The following STIM2 variants were observed in gnomAD, a reference collection of about 807,000 sequenced individuals.
The protein encoded by STIM2 is stromal interaction molecule 2.
In STIM2, 31 loss-of-function variants were observed where a neutral mutation model predicts 85.8. The observed-to-expected ratio is 0.36, with a 90% CI of 0.27 to 0.49. The LOEUF is 0.49. Ranked by LOEUF, STIM2 falls within the 20% of genes least tolerant of loss-of-function variation. The probability of loss-of-function intolerance (pLI) is 0.98; values close to 1 mark genes in which losing one functional copy is unlikely to be tolerated. For missense variants in STIM2, 841 were observed against 927.6 expected, an observed-to-expected ratio of 0.91 and a Z score of 1.21; for synonymous variants, 356 against 331.1, an observed-to-expected ratio of 1.08 and a Z score of -0.82.
chr4:27,016,480 G>A (rs1451540439), intron 10 of STIM2, among the ~76,000 whole-genome samples: 2 of 152,154 alleles, frequency 1.3e-5, no homozygotes, highest in South Asian at 2.1e-4. Context: ...ACCAAGTTGG[G>A]AGCAGTTTTT....
chr4:26,861,198 C>A lies in STIM2; in HGVS notation c.-21C>A. 1.4e-6 allele frequency: 2 copies of A among 1,446,998 alleles called. No homozygotes were observed. The highest frequency in any genetic ancestry group is 1.8e-6 in the Non-Finnish European group (2 of 1,099,580). The allele number at this position is 1,446,998 out of a possible 1,614,324, so 89.6% of individuals were successfully genotyped here. On this transcript the variant is annotated 5_prime_UTR_variant, in exon 1 of 12. Coordinates refer to ENST00000467087, the MANE Select transcript of STIM2 (RefSeq NM_020860.4). ...TGGCCCAGCGTGGGGCTGGCTGCTG[C>A]GGCGGCGGCGCTGGGCTGCGTTGCT...
chr4:26,979,176 A>G (rs1727297197), intron 3 of STIM2, among the ~76,000 whole-genome samples: 1 of 152,208 alleles, frequency 6.6e-6, no homozygotes, highest in Non-Finnish European at 1.5e-5. Context: ...TTTTACTTTG[A>G]AACCCTAGGT....
chr4:26,915,366 C>T (rs1421461114), intron 1 of STIM2, among the ~76,000 whole-genome samples: 2 of 152,190 alleles, frequency 1.3e-5, no homozygotes, highest in Non-Finnish European at 2.9e-5. Context: ...TCCCAAGTAG[C>T]TGGGACTACA....
At chr4:26,882,110 T>C (rs1560193162) in intron 1 of STIM2, among the ~76,000 whole-genome samples, 1 of 152,194 alleles carries the variant, frequency 6.6e-6, no homozygotes, top group Non-Finnish European at 1.5e-5. Flanking sequence ...GGTTTCCCTT[T>C]TCTGTGTTGT....
At chr4:26,882,028 A>G (rs1480553644) in intron 1 of STIM2, among the ~76,000 whole-genome samples, 2 of 152,164 alleles carry the variant, frequency 1.3e-5, no homozygotes, top group Non-Finnish European at 2.9e-5. Flanking sequence ...TAGTGTTTTT[A>G]TTGAAACAGA....
chr4:26,890,386 G>T (rs1723421099), intron 1 of STIM2, among the ~76,000 whole-genome samples: 1 of 152,118 alleles, frequency 6.6e-6, no homozygotes, highest in Non-Finnish European at 1.5e-5. Context: ...TTCAGTGATG[G>T]AGTACTGCCA....
chr4:26,936,552 A>G (rs978874103), intron 2 of STIM2, among the ~76,000 whole-genome samples: 2 of 152,210 alleles, frequency 1.3e-5, no homozygotes, highest in Non-Finnish European at 2.9e-5. Flanking sequence ...GAGAAACACC[A>G]TTGGTTGTAT....
chr4:26,899,283 A>G (rs553014182), intron 1 of STIM2, among the ~76,000 whole-genome samples: 17 of 152,154 alleles, frequency 1.1e-4, no homozygotes, highest in Admixed American at 8.5e-4. Flanking sequence ...AATGATCTCA[A>G]CTGTCATGAT....
intron 1 of STIM2, among the ~76,000 whole-genome samples, chr4:26,892,852 G>A (rs34904478): frequency 0.12 from 17,696 of 152,064 alleles, 1,488 homozygotes; most frequent in African/African-American, 0.24. Context: ...AACACACGTT[G>A]AGGAAAAAAA....
At chr4:26,923,067 C>T (rs902264637) in intron 2 of STIM2, among the ~76,000 whole-genome samples, 1 of 151,206 alleles carries the variant, frequency 6.6e-6, no homozygotes, top group African/African-American at 2.4e-5. Context: ...GGTCCCTGAC[C>T]CCTGACCCCC....
chr4:27,006,300 A>G (rs1003831755), intron 7 of STIM2, among the ~76,000 whole-genome samples: 9 of 152,156 alleles, frequency 5.9e-5, no homozygotes, highest in African/African-American at 2.2e-4. Context: ...CAGCTGTTCT[A>G]TTTCTTTATC....
chr4:26,911,261 G>A (rs1249088318), intron 1 of STIM2, among the ~76,000 whole-genome samples: 1 of 151,210 alleles, frequency 6.6e-6, no homozygotes, highest in Non-Finnish European at 1.5e-5. Flanking sequence ...TAAATAAAAT[G>A]AAATGAAATA....
chr4:26,866,612 T>C (rs1722417854), intron 1 of STIM2, among the ~76,000 whole-genome samples: 1 of 152,088 alleles, frequency 6.6e-6, no homozygotes, highest in African/African-American at 2.4e-5. Flanking sequence ...TGTAGAGTAG[T>C]GGGGAATGCA....
chr4:26,962,042 C>A (rs2109097076), intron 3 of STIM2, among the ~76,000 whole-genome samples: 1 of 152,272 alleles, frequency 6.6e-6, no homozygotes, highest in East Asian at 1.9e-4. Flanking sequence ...GGAGTCACCA[C>A]ACCCAGCCTC....
At chr4:26,982,960 G>A (rs1318873558) in intron 3 of STIM2, among the ~76,000 whole-genome samples, 1 of 152,108 alleles carries the variant, frequency 6.6e-6, no homozygotes, top group African/African-American at 2.4e-5. Context: ...GGTAGCCAGG[G>A]TCCTGACCCC....
chr4:26,943,772 T>C (rs1041020438), intron 2 of STIM2, among the ~76,000 whole-genome samples: 1 of 152,180 alleles, frequency 6.6e-6, no homozygotes, highest in Non-Finnish European at 1.5e-5. Context: ...CAGTCTGATA[T>C]TTATGATTCA....
intron 3 of STIM2, among the ~76,000 whole-genome samples, chr4:26,992,766 A>C (rs1300612980): frequency 6.6e-6 from 1 of 152,114 alleles, no homozygotes; most frequent in Non-Finnish European, 1.5e-5. Context: ...TAAAAAATGC[A>C]AGTCCTGGTC....
intron 10 of STIM2, among the ~76,000 whole-genome samples, chr4:27,012,318 T>TA (rs1410117290): frequency 6.6e-5 from 10 of 152,134 alleles, no homozygotes; most frequent in Admixed American, 3.9e-4. Context: ...CCATTGGGTT[T>TA]AAAAAATTTT....
rs1722180014 is a variant in STIM2, at chr4:26,861,364, T to A, written c.146T>A (p.Met49Lys). Reference sequence around the variant, plus strand: ...GCGGCCGGCGATAGCCCGGCGCTCATGACAGGTGAGGGGCCGGGGGGCGGC... The same window carrying A: ...GCGGCCGGCGATAGCCCGGCGCTCAAGACAGGTGAGGGGCCGGGGGGCGGC... The change falls in exon 1 of 12, where the codon ATG becomes AAG. Residue 49 changes from methionine (M) to lysine (K), a missense_variant. Coordinates refer to ENST00000467087, the MANE Select transcript of STIM2 (RefSeq NM_020860.4). 3 of 1,328,046 alleles carry A rather than the reference T, an allele frequency of 2.3e-6. No individual in the cohort carries two copies. Among genetic ancestry groups the A allele is most frequent in the East Asian group, 6.3e-5 (2 of 31,870 alleles). 82.3% of individuals were successfully genotyped at this position (1,328,046 alleles called of 1,614,324 possible). A position where few individuals can be genotyped will look rare whatever the true frequency, so the allele number is the denominator to read the frequency against.
Sources: allele counts gnomAD v4.1 joint callset (sites outside exome capture counted in the v4.1 genomes callset), GRCh38; gene constraint gnomAD v4.1.1; transcripts MANE v1.5; gene names NCBI Gene and HGNC (gene_info 2026-07-23, HGNC 2026-07-21).